Variants in DLG2 observed in about 807,000 individuals in gnomAD.
DLG2 encodes the protein discs large MAGUK scaffold protein 2, also known as disks large homolog 2.
In DLG2, 45 loss-of-function variants were observed where a neutral mutation model predicts 132.5. The ratio of observed to expected loss-of-function variants is 0.34; its 90% CI spans 0.27 to 0.44. The LOEUF (loss-of-function observed/expected upper bound fraction) is 0.44, where lower values mean the gene tolerates loss of function less well. Ranked by LOEUF, DLG2 falls within the 20% of genes least tolerant of loss-of-function variation. The probability of loss-of-function intolerance (pLI) is 1.00; values close to 1 mark genes in which losing one functional copy is unlikely to be tolerated. For missense variants in DLG2, 1,045 were observed against 1,196.9 expected, an observed-to-expected ratio of 0.87 and a Z score of 1.87; for synonymous variants, 424 against 419.6, an observed-to-expected ratio of 1.01 and a Z score of -0.13.
At chr11:84,403,702 A>G (rs73523724) in intron 7 of DLG2, among the ~76,000 whole-genome samples, 3,040 of 152,044 alleles carry the variant, frequency 0.02, 27 homozygotes, top group Non-Finnish European at 0.024. Context: ...TCTAACTTCT[A>G]CTCTTCAATC....
chr11:84,490,073 C>G (rs1567768313), intron 7 of DLG2, among the ~76,000 whole-genome samples: 2 of 152,110 alleles, frequency 1.3e-5, no homozygotes, highest in Non-Finnish European at 2.9e-5. Flanking sequence ...ATCGAGAAAT[C>G]AGGACATTCA....
chr11:85,101,967 T>C (rs145232863), intron 6 of DLG2, among the ~76,000 whole-genome samples: 1 of 152,154 alleles, frequency 6.6e-6, no homozygotes, highest in African/African-American at 2.4e-5. Context: ...AGATTAGCAG[T>C]TCCAACAGTA....
At chr11:84,618,022 A>T (rs953318887) in intron 6 of DLG2, among the ~76,000 whole-genome samples, 1 of 152,136 alleles carries the variant, frequency 6.6e-6, no homozygotes, top group Non-Finnish European at 1.5e-5. Context: ...AAGAACACTT[A>T]AAAAAGGAAG....
At chr11:85,114,809 C>G (rs1179927393) in intron 5 of DLG2, among the ~76,000 whole-genome samples, 1 of 151,902 alleles carries the variant, frequency 6.6e-6, no homozygotes, top group Admixed American at 6.6e-5. Context: ...TCAAACAACC[C>G]CATCCCTCCA....
intron 12 of DLG2, among the ~76,000 whole-genome samples, chr11:83,970,907 T>C (rs1400465062): frequency 6.6e-6 from 1 of 152,142 alleles, no homozygotes; most frequent in Non-Finnish European, 1.5e-5. Context: ...AAATTCAGAA[T>C]AGTACCGGAT....
chr11:83,704,167 C>T (rs2083456786), intron 18 of DLG2, among the ~76,000 whole-genome samples: 1 of 151,998 alleles, frequency 6.6e-6, no homozygotes, highest in Non-Finnish European at 1.5e-5. Context: ...TAAAAGCTGG[C>T]AGGCTGTGGA....
intron 3 of DLG2, among the ~76,000 whole-genome samples, chr11:85,594,196 T>A (rs923086787): frequency 6.6e-6 from 1 of 152,222 alleles, no homozygotes; most frequent in African/African-American, 2.4e-5. Context: ...CAAGTAGGAA[T>A]GTGTTAGAAG....
intron 11 of DLG2, among the ~76,000 whole-genome samples, chr11:84,042,005 G>C (rs998556360): frequency 6.6e-6 from 1 of 151,840 alleles, no homozygotes; most frequent in East Asian, 1.9e-4. Context: ...CACCATGATT[G>C]TGAGGCCTCC....
intron 6 of DLG2, among the ~76,000 whole-genome samples, chr11:85,024,064 T>C (rs1290186168): frequency 1.3e-5 from 2 of 152,156 alleles, no homozygotes; most frequent in Non-Finnish European, 2.9e-5. Flanking sequence ...TGTTCTAAGA[T>C]TCTGGATCTT....
At chr11:83,500,081 C>T (rs1288820074) in intron 21 of DLG2, among the ~76,000 whole-genome samples, 3 of 151,596 alleles carry the variant, frequency 2.0e-5, no homozygotes, top group African/African-American at 7.3e-5. Context: ...CATAGCAGAA[C>T]TTATCCTGCC....
intron 7 of DLG2, among the ~76,000 whole-genome samples, chr11:84,399,440 A>G (rs963058951): frequency 6.6e-5 from 10 of 152,138 alleles, no homozygotes; most frequent in Non-Finnish European, 1.5e-4. Context: ...TCATTTATTT[A>G]TGTGAGAAAG....
Position 83,458,017 on chromosome 11 carries a change from C to T in DLG2, c.*1801G>A, listed in dbSNP as rs1218491809. ...GGAAAGAGACTCTCATTCTAAGCTC[C>T]GATGTTCTTACTGTGAAGAAGCCCC... On this transcript the variant is annotated 3_prime_UTR_variant, in exon 28 of 28. Transcript: ENST00000376104. 2 of 152,568 alleles carry T rather than the reference C, an allele frequency of 1.3e-5. No individual in the cohort carries two copies. Among genetic ancestry groups the T allele is most frequent in the Non-Finnish European group, 2.9e-5 (2 of 68,014 alleles). The allele number at this position is 152,568 out of a possible 1,614,324, so 9.5% of individuals were successfully genotyped here.
chr11:85,309,340 G>C (rs936652224), intron 3 of DLG2, among the ~76,000 whole-genome samples: 5 of 151,286 alleles, frequency 3.3e-5, no homozygotes, highest in African/African-American at 1.2e-4. Context: ...TTTTGGGATG[G>C]CTTATTATGT....
chr11:83,572,736 C>T (rs1197779596), intron 19 of DLG2, among the ~76,000 whole-genome samples: 1 of 152,162 alleles, frequency 6.6e-6, no homozygotes, highest in Non-Finnish European at 1.5e-5. Context: ...GGTGGAGAGG[C>T]AGCTCACTCC....
chr11:83,887,442 T>C lies in DLG2; in HGVS notation c.1497-12954A>G, dbSNP rs1309958116. Among the ~76,000 whole-genome samples the C allele has an allele frequency of 2.6e-5, 4 of 152,094 alleles. No individual in the cohort carries two copies. In the South Asian group the frequency reaches 8.3e-4, roughly 32 times the overall value. Reference sequence around the variant, plus strand: ...AATAGACCAATAACAGGCTCTGAAATTGTGGCAATAATCAATAGCTTACCA... The same window carrying C: ...AATAGACCAATAACAGGCTCTGAAACTGTGGCAATAATCAATAGCTTACCA... On this transcript the variant is annotated intron_variant, in intron 15 of 27. Transcript: ENST00000376104.
chr11:85,580,292 G>T (rs1373057738), intron 3 of DLG2, among the ~76,000 whole-genome samples: 1 of 152,174 alleles, frequency 6.6e-6, no homozygotes, highest in Non-Finnish European at 1.5e-5. Context: ...GACAAGAACT[G>T]TGGCTTTATG....
chr11:84,482,426 TA>T (rs2099140202), intron 7 of DLG2, among the ~76,000 whole-genome samples: 1 of 152,182 alleles, frequency 6.6e-6, no homozygotes, highest in African/African-American at 2.4e-5. Flanking sequence ...GTGCAGGACT[TA>T]AAAAGGGCCT....
chr11:85,324,893 G>A (rs1029676062), intron 3 of DLG2, among the ~76,000 whole-genome samples: 2 of 148,824 alleles, frequency 1.3e-5, no homozygotes, highest in South Asian at 2.2e-4. Context: ...GCCAGACAGT[G>A]GGCGCAGGCC....
chr11:85,609,783 T>TG (rs773410346), intron 2 of DLG2, among the ~76,000 whole-genome samples: 4 of 152,184 alleles, frequency 2.6e-5, no homozygotes, highest in Non-Finnish European at 5.9e-5. Flanking sequence ...TCCTGGACAC[T>TG]GGTGCGGCCT....
Sources: allele counts gnomAD v4.1 joint callset (sites outside exome capture counted in the v4.1 genomes callset), GRCh38; gene constraint gnomAD v4.1.1; transcripts MANE v1.5; gene names NCBI Gene and HGNC (gene_info 2026-07-23, HGNC 2026-07-21).